Variants in CTNNA2 observed in about 807,000 individuals in gnomAD.
The protein encoded by CTNNA2 is catenin alpha-2.
A neutral mutation model predicts 101.0 loss-of-function variants in CTNNA2; 42 were observed. The observed-to-expected ratio is 0.42, with a 90% confidence interval of 0.32 to 0.54. CTNNA2 has a LOEUF of 0.54. Among genes scored for constraint, CTNNA2 ranks in the 20% least tolerant of loss-of-function variants. The pLI, the probability that CTNNA2 is intolerant of heterozygous loss-of-function variation, is 0.14. For synonymous variants in CTNNA2, 450 were observed against 456.4 expected (o/e 0.99, Z 0.18); for missense variants, 871 against 1,223.1 (o/e 0.71, Z 4.29).
At chr2:80,600,646 T>G (rs546902646) in intron 15 of CTNNA2, among the ~76,000 whole-genome samples, 1 of 152,246 alleles carries the variant, frequency 6.6e-6, no homozygotes, top group South Asian at 2.1e-4. Context: ...TTAATAACCA[T>G]CAGCTTGACA....
At chr2:79,217,251 A>G (rs71424862) in intron 2 of CTNNA2, among the ~76,000 whole-genome samples, 25,341 of 152,236 alleles carry the variant, frequency 0.17, 2,508 homozygotes, top group South Asian at 0.24. Context: ...AAAGAGCAGG[A>G]GGACAGGGGA....
At chr2:79,293,841 C>T (rs2104383754) in intron 2 of CTNNA2, among the ~76,000 whole-genome samples, 1 of 152,144 alleles carries the variant, frequency 6.6e-6, no homozygotes, top group African/African-American at 2.4e-5. Context: ...CTATGAAATA[C>T]AAATAATTCA....
intron 2 of CTNNA2, among the ~76,000 whole-genome samples, chr2:79,667,392 CTTGT>C (rs1231035522): frequency 1.3e-5 from 2 of 152,142 alleles, no homozygotes; most frequent in Admixed American, 6.5e-5. Context: ...GATATATAGA[CTTGT>C]ATTTCAAAGG....
At chr2:80,532,575 T>TTA (rs1403099801) in intron 9 of CTNNA2, among the ~76,000 whole-genome samples, 1 of 152,226 alleles carries the variant, frequency 6.6e-6, no homozygotes, top group Non-Finnish European at 1.5e-5. Flanking sequence ...TGTCAATCTC[T>TTA]TACTGTTCCC....
chr2:79,869,991 G>A (rs977572053), intron 5 of CTNNA2, 56 bp downstream of exon 5: 9 of 1,592,746 alleles, frequency 5.7e-6, no homozygotes, highest in Admixed American at 3.4e-5. Context: ...AAATAACCCT[G>A]TAGCTTTTTA....
intron 7 of CTNNA2, among the ~76,000 whole-genome samples, chr2:80,381,552 T>A (rs1676517575): frequency 6.6e-6 from 1 of 151,566 alleles, no homozygotes; most frequent in Admixed American, 6.6e-5. Context: ...CAGGAAGAGG[T>A]CATTCTCACA....
chr2:80,596,281 T>TG, intron 15 of CTNNA2, among the ~76,000 whole-genome samples: 2 of 21,018 alleles, frequency 9.5e-5, no homozygotes, highest in East Asian at 2.5e-3. Context: ...ACAAGGTTGT[T>TG]TTTTTTTTTT....
chr2:79,841,426 G>A (rs956808756), intron 3 of CTNNA2, among the ~76,000 whole-genome samples: 7 of 152,166 alleles, frequency 4.6e-5, no homozygotes, highest in Admixed American at 1.3e-4. Context: ...ATAAGCCTAA[G>A]ATTCAGAGGA....
At chr2:79,253,770 C>T (rs1247826039) in intron 2 of CTNNA2, among the ~76,000 whole-genome samples, 1 of 152,178 alleles carries the variant, frequency 6.6e-6, no homozygotes, top group Non-Finnish European at 1.5e-5. Flanking sequence ...ATTGACATTT[C>T]TGATCATTTT....
rs181616882 is a variant in CTNNA2 at position 79,416,240 on chromosome 2, T to C, written c.-135+42227T>C. 2.0e-5 allele frequency among the ~76,000 whole-genome samples: 3 copies of C among 150,002 alleles called. No homozygotes were observed. The East Asian group carries it at 5.9e-4, about 30-fold the overall frequency. On this transcript the variant is annotated intron_variant, in intron 4 of 21. Coordinates refer to the CTNNA2 transcript ENST00000466387. ...GGGATATATATCTCATGTCTCCTTG[T>C]CTTCTTCTTTCCTTTTCTTTTTTTT...
intron 4 of CTNNA2, among the ~76,000 whole-genome samples, chr2:79,410,589 T>A (rs1342070054): frequency 6.6e-6 from 1 of 152,170 alleles, no homozygotes; most frequent in Non-Finnish European, 1.5e-5. Flanking sequence ...TCAGTTTATA[T>A]GCTGGATTAC....
At chr2:79,969,086 T>G (rs1462363113) in intron 7 of CTNNA2, among the ~76,000 whole-genome samples, 3 of 152,130 alleles carry the variant, frequency 2.0e-5, no homozygotes, top group African/African-American at 7.2e-5. Context: ...ACTTATGGAG[T>G]GCAGACTGTT....
At chr2:79,745,117 G>A (rs1273001500) in intron 3 of CTNNA2, among the ~76,000 whole-genome samples, 1 of 152,066 alleles carries the variant, frequency 6.6e-6, no homozygotes, top group African/African-American at 2.4e-5. Context: ...ATTTTGATCT[G>A]TATAAAATAT....
rs570215257 is a variant in CTNNA2, at chr2:80,611,672, T to G, written c.2430+3354T>G. Among the ~76,000 whole-genome samples the G allele has an allele frequency of 3.0e-3, 454 of 151,660 alleles. 5 individuals carry two copies. The highest frequency in any genetic ancestry group is 0.01 in the African/African-American group (424 of 41,464). On this transcript the variant is annotated intron_variant, in intron 17 of 18. Coordinates refer to ENST00000402739, the MANE Select transcript of CTNNA2 (RefSeq NM_001282597.3). ...AAAAATCATTCCATGACCTTTAATA[T>G]TTTTTAGCTACCCAAAGATTTATAC...
At chr2:79,314,767 C>A (rs1467013361) in intron 3 of CTNNA2, among the ~76,000 whole-genome samples, 5 of 152,156 alleles carry the variant, frequency 3.3e-5, no homozygotes, top group Non-Finnish European at 7.4e-5. Flanking sequence ...GATGTCCATA[C>A]CACAGCCTAA....
At chr2:79,661,726 C>T (rs1682049420) in intron 2 of CTNNA2, among the ~76,000 whole-genome samples, 2 of 152,068 alleles carry the variant, frequency 1.3e-5, no homozygotes, top group South Asian at 4.1e-4. Context: ...ACAGATAATC[C>T]TTGAAGAGAA....
At chr2:80,290,633 T>C (rs1675155996) in intron 7 of CTNNA2, among the ~76,000 whole-genome samples, 1 of 152,142 alleles carries the variant, frequency 6.6e-6, no homozygotes, top group Admixed American at 6.6e-5. Context: ...CCCTGAAATC[T>C]TAATACCACA....
chr2:80,636,912 C>T (rs1423696189), intron 18 of CTNNA2, among the ~76,000 whole-genome samples: 1 of 152,016 alleles, frequency 6.6e-6, no homozygotes, highest in Non-Finnish European at 1.5e-5. Context: ...CCCTTTATTC[C>T]ATCTAAAGGA....
At chr2:79,385,481 G>C (rs1218238366) in intron 4 of CTNNA2, among the ~76,000 whole-genome samples, 1 of 150,566 alleles carries the variant, frequency 6.6e-6, no homozygotes, top group Non-Finnish European at 1.5e-5. Flanking sequence ...CTAGCAAACA[G>C]GGTTAAATAG....
Sources: allele counts gnomAD v4.1 joint callset (sites outside exome capture counted in the v4.1 genomes callset), GRCh38; gene constraint gnomAD v4.1.1; transcripts MANE v1.5; gene names NCBI Gene and HGNC (gene_info 2026-07-23, HGNC 2026-07-21).